PSMG2: variants seen among roughly 807,000 people sequenced by gnomAD.
The protein encoded by PSMG2 is CD40 ligand-activated specific transcript 3.
PSMG2 carries 21 observed loss-of-function variants against 31.5 expected under a neutral mutation model. The ratio of observed to expected loss-of-function variants is 0.67; its 90% confidence interval spans 0.47 to 0.96. PSMG2 has a LOEUF of 0.96. Among genes scored for constraint, PSMG2 ranks in the 40% least tolerant of loss-of-function variants. PSMG2 has a pLI of 0.00. For synonymous variants in PSMG2, 120 were observed against 110.4 expected (o/e 1.09, Z -0.54); for missense variants, 318 against 321.2 (o/e 0.99, Z 0.08).
At chr18:12,680,692 A>G (rs1034995533) in intron 1 of PSMG2, 12 of 1,612,630 alleles carry the variant, frequency 7.4e-6, no homozygotes, top group Non-Finnish European at 1.0e-5. Flanking sequence ...CCAAAAAGTG[A>G]TGGCCCCATC....
intron 1 of PSMG2, among the ~76,000 whole-genome samples, chr18:12,660,874 C>T (rs1226727184): frequency 6.6e-6 from 1 of 152,036 alleles, no homozygotes; most frequent in Non-Finnish European, 1.5e-5. Context: ...TGTGATGTTT[C>T]TTCTCTACAC....
chr18:12,662,730 T>C (rs1269679421), intron 1 of PSMG2, among the ~76,000 whole-genome samples: 1 of 152,166 alleles, frequency 6.6e-6, no homozygotes, highest in East Asian at 1.9e-4. Flanking sequence ...TGAGCCGAGA[T>C]CATGCCACTG....
At chr18:12,660,160 A>C (rs913048891) in intron 1 of PSMG2, among the ~76,000 whole-genome samples, 1 of 152,192 alleles carries the variant, frequency 6.6e-6, no homozygotes, top group Non-Finnish European at 1.5e-5. Flanking sequence ...TGAGGAATCT[A>C]TGAGCCATTA....
intron 1 of PSMG2, among the ~76,000 whole-genome samples, chr18:12,671,915 G>C (rs775889604): frequency 1.9e-4 from 29 of 152,140 alleles, no homozygotes; most frequent in South Asian, 1.2e-3. Flanking sequence ...CCGCCTCCCA[G>C]GTTCAAGCGA....
At chr18:12,721,806 G>T (rs183995552) in intron 5 of PSMG2, among the ~76,000 whole-genome samples, 1 of 151,486 alleles carries the variant, frequency 6.6e-6, no homozygotes, top group East Asian at 1.9e-4. Flanking sequence ...CTTTTCCAAG[G>T]TGTAAACTTA....
intron 1 of PSMG2, among the ~76,000 whole-genome samples, chr18:12,674,035 TC>T (rs879444942): frequency 7.2e-5 from 11 of 152,080 alleles, no homozygotes; most frequent in Non-Finnish European, 1.3e-4. Flanking sequence ...GGGCAAATAA[TC>T]CCAGACTATC....
intron 1 of PSMG2, among the ~76,000 whole-genome samples, chr18:12,666,134 T>C (rs1031226110): frequency 4.3e-5 from 6 of 138,664 alleles, no homozygotes; most frequent in Admixed American, 3.9e-4. Flanking sequence ...CTGAGCAACA[T>C]AGCAAGAACT....
chr18:12,702,680 C>G (rs1316778146), upstream of PSMG2: 2 of 1,024,546 alleles, frequency 2.0e-6, no homozygotes, highest in Admixed American at 3.0e-5. Context: ...GCGCAGCTCC[C>G]GGGGGACGCA....
At chr18:12,659,970 G>A (rs1045717255) in intron 1 of PSMG2, among the ~76,000 whole-genome samples, 1 of 152,082 alleles carries the variant, frequency 6.6e-6, no homozygotes, top group African/African-American at 2.4e-5. Flanking sequence ...TGCAAATACA[G>A]ACTGGTTTAA....
At chr18:12,690,626 T>C (rs2039720700) in intron 1 of PSMG2, among the ~76,000 whole-genome samples, 1 of 152,090 alleles carries the variant, frequency 6.6e-6, no homozygotes, top group Non-Finnish European at 1.5e-5. Flanking sequence ...CGGCTAATTT[T>C]TTGTGTTTTT....
In PSMG2 at chr18:12,687,750, G is replaced by A. The variant is rs1213774477; in HGVS notation, c.-36-18800G>A. ...TTACAGGTGTGAGCCACTGTGCCTG[G>A]CCTAGAGGGCACCGATTTTTAAAAC... On this transcript the variant is annotated intron_variant, in intron 1 of 6. Coordinates refer to the PSMG2 transcript ENST00000585331. Among the ~76,000 whole-genome samples the A allele has an allele frequency of 4.0e-5, 6 of 151,744 alleles. No homozygotes were observed. In the South Asian group the frequency reaches 1.0e-3, roughly 26 times the overall value.
intron 1 of PSMG2, among the ~76,000 whole-genome samples, chr18:12,693,719 G>A (rs922521827): frequency 4.6e-5 from 7 of 152,076 alleles, no homozygotes; most frequent in Non-Finnish European, 7.4e-5. Flanking sequence ...GCAGGCAGAC[G>A]TTGCAGTGAG....
Position 12,712,744 on chromosome 18 carries a change from G to C in PSMG2, c.272G>C (p.Arg91Thr). 1 of 1,606,378 alleles carries C rather than the reference G, an allele frequency of 6.2e-7. No homozygotes were observed. Among genetic ancestry groups the C allele is most frequent in the Non-Finnish European group, 8.5e-7 (1 of 1,174,672 alleles). Residue 91 changes from arginine to threonine, a missense_variant, in exon 3 of 7, where the codon AGA becomes ACA. Transcript: ENST00000317615. ...AGAAAGCTGGTGGCTCTACAGTTAA[G>C]ATCCATTTTTATTAAGGTTAGTATG... ...PSRKLVALQL[R>T]SIFIKYKSKP...
At chr18:12,699,119 G>A, upstream of PSMG2, 6 of 1,614,066 alleles carry the variant, frequency 3.7e-6, no homozygotes, top group Non-Finnish European at 5.1e-6. Context: ...TCCAGGTAAA[G>A]GCTCAGGTTC....
rs1259333941 is a variant in PSMG2, at chr18:12,690,080, C to T, written c.-36-16470C>T. 1.3e-4 allele frequency among the ~76,000 whole-genome samples: 19 copies of T among 141,250 alleles called. No homozygotes were observed. In the East Asian group the frequency reaches 3.6e-3, roughly 27 times the overall value. The allele number at this position is 141,250 out of a possible 152,430, so 92.7% of individuals were successfully genotyped here. A position where few individuals can be genotyped will look rare whatever the true frequency, so the allele number is the denominator to read the frequency against. On this transcript the variant is annotated intron_variant, in intron 1 of 6. Transcript: ENST00000585331. Reference sequence around the variant, plus strand: ...CTGGGATTACAGGCGTGAGCCACCGCGCCCGGCCAGGAAGCCAGTTACATT... The same window carrying T: ...CTGGGATTACAGGCGTGAGCCACCGTGCCCGGCCAGGAAGCCAGTTACATT...
At position 12,691,524 on chromosome 18, in the gene PSMG2, ATTATCT is replaced by A. The variant is rs746956074; in HGVS notation, c.-36-15022_-36-15017del. On this transcript the variant is annotated intron_variant, in intron 1 of 6. Transcript: ENST00000585331. Reference sequence around the variant, plus strand: ...AAAAAATATTTTTCAATTTCTATTCATTATCTTTAATTACTACAAAATATGTAGCAA... The same window carrying A: ...AAAAAATATTTTTCAATTTCTATTCATTAATTACTACAAAATATGTAGCAA... 5 of 1,440,580 alleles carry A rather than the reference ATTATCT, an allele frequency of 3.5e-6. No individual in the cohort carries two copies. The African/African-American group carries it at 7.1e-5, about 21-fold the overall frequency. 89.2% of individuals were successfully genotyped at this position (1,440,580 alleles called of 1,614,324 possible). A position where few individuals can be genotyped will look rare whatever the true frequency, so the allele number is the denominator to read the frequency against.
chr18:12,702,054 A>C (rs2040171935), upstream of PSMG2, among the ~76,000 whole-genome samples: 1 of 152,160 alleles, frequency 6.6e-6, no homozygotes, highest in Non-Finnish European at 1.5e-5. Flanking sequence ...TAAACCTGGG[A>C]GGCGGAGGTT....
At chr18:12,676,453 T>TACAA (rs1436345568) in intron 1 of PSMG2, among the ~76,000 whole-genome samples, 1 of 145,984 alleles carries the variant, frequency 6.9e-6, no homozygotes, top group Non-Finnish European at 1.5e-5. Flanking sequence ...TTTTGTACTT[T>TACAA]TTGTAGAGAT....
chr18:12,669,032 CTTTTTTTTTTT>C (rs71174122), intron 1 of PSMG2, among the ~76,000 whole-genome samples: 5 of 41,958 alleles, frequency 1.2e-4, no homozygotes, highest in Non-Finnish European at 2.1e-4. Flanking sequence ...ACCCCCCGCA[CTTTTTTTTTTT>C]TTTTTTTTTT....
Sources: gnomAD v4.1 joint callset for allele counts (sites outside exome capture counted in the v4.1 genomes callset) on GRCh38, gnomAD v4.1.1 for gene constraint, MANE v1.5 for transcripts, NCBI Gene and HGNC (gene_info 2026-07-23, HGNC 2026-07-21) for gene names.